COL25A1: variants seen among roughly 807,000 people sequenced by gnomAD.
COL25A1 encodes collagen alpha-1(XXV) chain.
A neutral mutation model predicts 128.4 loss-of-function variants in COL25A1; 103 were observed. The observed-to-expected ratio is 0.80, with a 90% CI of 0.68 to 0.94. The LOEUF is 0.94. Among genes scored for constraint, COL25A1 ranks in the 40% least tolerant of loss-of-function variants. COL25A1 has a pLI of 0.00. For synonymous variants in COL25A1, 279 were observed against 277.2 expected (o/e 1.01, Z -0.06); for missense variants, 745 against 840.0 (o/e 0.89, Z 1.40).
chr4:108,862,683 A>G lies in COL25A1; in HGVS notation c.1153-138T>C, dbSNP rs1253480340. On this transcript the variant is annotated intron_variant, in intron 21 of 37. Transcript: ENST00000399132. ...TTTAACTGCCTCAATATATGGCTCTACAGAATGTCGGTTATTATAATACTA... is the reference window on the plus strand; with the variant it reads ...TTTAACTGCCTCAATATATGGCTCTGCAGAATGTCGGTTATTATAATACTA... The G allele has an allele frequency of 4.3e-6, 3 of 697,366 alleles. No individual in the cohort carries two copies. In the South Asian group the frequency reaches 5.2e-5, roughly 12 times the overall value. 43.2% of individuals were successfully genotyped at this position (697,366 alleles called of 1,614,324 possible).
intron 6 of COL25A1, among the ~76,000 whole-genome samples, chr4:108,986,344 G>T (rs916164633): frequency 1.3e-5 from 2 of 152,304 alleles, no homozygotes; most frequent in Non-Finnish European, 2.9e-5. Context: ...GTGAAAGGTT[G>T]CTGGGTATCA....
rs114276510 is a variant in COL25A1, at chr4:109,043,343, C to T, written c.420+4825G>A. Among the ~76,000 whole-genome samples, 1,290 of 152,058 alleles carry T rather than the reference C, an allele frequency of 8.5e-3. 17 individuals are homozygous for T. Among genetic ancestry groups the T allele is most frequent in the African/African-American group, 0.03 (1,224 of 41,484 alleles). On this transcript the variant is annotated intron_variant, in intron 5 of 37. Coordinates refer to ENST00000399132, the MANE Select transcript of COL25A1 (RefSeq NM_198721.4). ...GAGATTTCTTTCCTAATTCATCTAC[C>T]ACATTGGCAGAAATAGCATTGTAAG... is the stretch of plus-strand genomic sequence containing the variant.
chr4:109,112,101 TA>T lies in COL25A1; in HGVS notation c.368-61923del, dbSNP rs201113748. ...TTAAGTAAATGTTTATTGAGGGAAT[TA>T]AAAAAAACAGTAAATGAATGACTGA... On this transcript the variant is annotated intron_variant, in intron 3 of 37. Coordinates refer to ENST00000399132, the MANE Select transcript of COL25A1 (RefSeq NM_198721.4). Among the ~76,000 whole-genome samples the T allele has an allele frequency of 5.0e-3, 762 of 151,974 alleles. 6 individuals carry two copies. The Middle Eastern group carries it at 0.088, about 18-fold the overall frequency.
At chr4:109,169,432 C>G (rs1773380571) in intron 3 of COL25A1, among the ~76,000 whole-genome samples, 1 of 152,176 alleles carries the variant, frequency 6.6e-6, no homozygotes, top group African/African-American at 2.4e-5. Flanking sequence ...CCTTCACTTG[C>G]TGTAGCTTAC....
chr4:108,954,343 C>T (rs932807048), intron 8 of COL25A1, among the ~76,000 whole-genome samples: 21 of 152,136 alleles, frequency 1.4e-4, no homozygotes, highest in African/African-American at 5.1e-4. Context: ...TAACGAAATG[C>T]AGTACATTTT....
At chr4:108,920,468 GACTA>G in intron 12 of COL25A1, 106 bp downstream of exon 12, 1 of 692,560 alleles carries the variant, frequency 1.4e-6, no homozygotes, top group Non-Finnish European at 2.3e-6. Context: ...ACACAAACCA[GACTA>G]ACTGCTTCAG....
intron 16 of COL25A1, among the ~76,000 whole-genome samples, chr4:108,891,464 T>C (rs1292482239): frequency 6.6e-6 from 1 of 152,184 alleles, no homozygotes; most frequent in Non-Finnish European, 1.5e-5. Context: ...TTATTTCTAG[T>C]AAATTAAGTC....
At chr4:109,256,218 T>C (rs1190256881) in intron 3 of COL25A1, among the ~76,000 whole-genome samples, 1 of 152,076 alleles carries the variant, frequency 6.6e-6, no homozygotes, top group Non-Finnish European at 1.5e-5. Flanking sequence ...TTTGAAAAAT[T>C]AAACTTGATC....
intron 12 of COL25A1, among the ~76,000 whole-genome samples, chr4:108,918,581 T>C (rs948243139): frequency 3.9e-5 from 6 of 152,242 alleles, no homozygotes; most frequent in African/African-American, 1.4e-4. Context: ...AACACTTGCA[T>C]TTCATGAGTT....
At chr4:109,271,868 G>A (rs1052916926) in intron 3 of COL25A1, among the ~76,000 whole-genome samples, 7 of 152,120 alleles carry the variant, frequency 4.6e-5, no homozygotes, top group African/African-American at 1.2e-4. Flanking sequence ...TTCTAACAAT[G>A]TTTTTATTGT....
At chr4:108,994,670 C>A (rs766430490) in intron 6 of COL25A1, among the ~76,000 whole-genome samples, 12 of 152,188 alleles carry the variant, frequency 7.9e-5, no homozygotes, top group Non-Finnish European at 1.6e-4. Context: ...TCAAGCGGGT[C>A]CCTGACCCCC....
At chr4:108,968,825 T>C (rs1004291943) in intron 8 of COL25A1, among the ~76,000 whole-genome samples, 11 of 152,250 alleles carry the variant, frequency 7.2e-5, no homozygotes, top group African/African-American at 1.2e-4. Flanking sequence ...TTAAAATCCA[T>C]CTTCTCACTT....
intron 11 of COL25A1, among the ~76,000 whole-genome samples, chr4:108,932,610 T>A (rs749523756): frequency 6.6e-6 from 1 of 152,308 alleles, no homozygotes; most frequent in Middle Eastern, 3.4e-3. Flanking sequence ...GGAAAGTGAT[T>A]TGGTTTTTGA....
intron 3 of COL25A1, among the ~76,000 whole-genome samples, chr4:109,211,129 C>T (rs917010886): frequency 1.3e-5 from 2 of 151,092 alleles, no homozygotes; most frequent in African/African-American, 2.4e-5. Context: ...CTGTGACACA[C>T]CATCTACCAA....
At chr4:109,246,540 A>G (rs528280103) in intron 3 of COL25A1, among the ~76,000 whole-genome samples, 1 of 152,332 alleles carries the variant, frequency 6.6e-6, no homozygotes, top group South Asian at 2.1e-4. Context: ...TATCAAGTTT[A>G]TGATAATTAG....
intron 5 of COL25A1, among the ~76,000 whole-genome samples, chr4:109,028,708 G>C (rs905945900): frequency 4.6e-5 from 7 of 151,834 alleles, no homozygotes; most frequent in Admixed American, 4.6e-4. Context: ...CCTGGCGACA[G>C]AGCGGGACTC....
At chr4:109,293,796 C>T (rs924867449) in intron 3 of COL25A1, among the ~76,000 whole-genome samples, 1 of 152,024 alleles carries the variant, frequency 6.6e-6, no homozygotes, top group South Asian at 2.1e-4. Flanking sequence ...TATTATGTGG[C>T]AACTTAACAT....
At chr4:109,227,258 C>CA (rs59584294) in intron 3 of COL25A1, among the ~76,000 whole-genome samples, 3,992 of 150,368 alleles carry the variant, frequency 0.027, 183 homozygotes, top group African/African-American at 0.089. Flanking sequence ...AAATTCGCAG[C>CA]AAAAAAAAAT....
At chr4:108,918,151 A>G (rs758435286) in intron 13 of COL25A1, 21 bp downstream of exon 13, 12 of 1,520,192 alleles carry the variant, frequency 7.9e-6, no homozygotes, top group Admixed American at 7.4e-5. Flanking sequence ...TTTTTAAAAT[A>G]CAATATTCTA....
Sources: gnomAD v4.1 joint callset for allele counts (sites outside exome capture counted in the v4.1 genomes callset) on GRCh38, gnomAD v4.1.1 for gene constraint, MANE v1.5 for transcripts, NCBI Gene and HGNC (gene_info 2026-07-23, HGNC 2026-07-21) for gene names.